B3GALT1: variants seen among roughly 807,000 people sequenced by gnomAD.
B3GALT1 encodes the protein UDP-Gal:betaGlcNAc beta 1,3-galactosyltransferase, polypeptide 1.
Under a neutral mutation model 23.2 loss-of-function variants are expected in B3GALT1, and 10 were observed. That is an observed-to-expected ratio of 0.43 (90% confidence interval 0.27 to 0.73). The LOEUF (loss-of-function observed/expected upper bound fraction) is 0.73, where lower values mean the gene tolerates loss of function less well. Ranked by LOEUF, B3GALT1 falls within the 30% of genes least tolerant of loss-of-function variation. The pLI is 0.21. For missense variants in B3GALT1, 299 were observed against 405.4 expected, an observed-to-expected ratio of 0.74 and a Z score of 2.25; for synonymous variants, 156 against 141.5, an observed-to-expected ratio of 1.10 and a Z score of -0.73.
At chr2:167,777,412 T>A (rs1283343039) in intron 3 of B3GALT1, among the ~76,000 whole-genome samples, 1 of 152,232 alleles carries the variant, frequency 6.6e-6, no homozygotes, top group Non-Finnish European at 1.5e-5. Flanking sequence ...AATGGCACGA[T>A]CTCGGCTCAC....
intron 1 of B3GALT1, among the ~76,000 whole-genome samples, chr2:167,355,736 T>A (rs1014690779): frequency 6.6e-6 from 1 of 152,222 alleles, no homozygotes; most frequent in Non-Finnish European, 1.5e-5. Context: ...GTGTTTTTTT[T>A]AGACTGACAA....
chr2:167,320,607 C>CT (rs376599054), intron 1 of B3GALT1, among the ~76,000 whole-genome samples: 87 of 152,140 alleles, frequency 5.7e-4, no homozygotes, highest in African/African-American at 2.0e-3. Context: ...CCTCTTTGCT[C>CT]TTTCTCTTTT....
chr2:167,498,570 T>G (rs1381957502), intron 2 of B3GALT1, among the ~76,000 whole-genome samples: 1 of 152,122 alleles, frequency 6.6e-6, no homozygotes, highest in Non-Finnish European at 1.5e-5. Flanking sequence ...AAAAGTACTT[T>G]GAAAGAAGTA....
chr2:167,512,570 A>ATATATATGTG (rs1553463251), intron 2 of B3GALT1, among the ~76,000 whole-genome samples: 1 of 91,162 alleles, frequency 1.1e-5, no homozygotes, highest in African/African-American at 4.8e-5. Flanking sequence ...ATATATATGT[A>ATATATATGTG]TATATATATG....
At chr2:167,567,185 G>T (rs1407341966) in intron 2 of B3GALT1, among the ~76,000 whole-genome samples, 1 of 152,052 alleles carries the variant, frequency 6.6e-6, no homozygotes, top group South Asian at 2.1e-4. Context: ...GTATAAAATT[G>T]GTATTAGAAC....
chr2:167,618,347 A>T (rs1574171118), intron 2 of B3GALT1, among the ~76,000 whole-genome samples: 1 of 152,170 alleles, frequency 6.6e-6, no homozygotes, highest in East Asian at 1.9e-4. Flanking sequence ...TGTACATTTC[A>T]TCCATAGTAC....
chr2:167,799,339 C>T (rs1351417165), intron 3 of B3GALT1, among the ~76,000 whole-genome samples: 1 of 152,072 alleles, frequency 6.6e-6, no homozygotes, highest in Non-Finnish European at 1.5e-5. Context: ...CCTTAGCCCC[C>T]TCCACCCTCC....
rs34276280 is a variant in B3GALT1, at chr2:167,863,990, A to ATGTGTGTGTGTG, written c.-229-4795_-229-4784dup. Among the ~76,000 whole-genome samples, 279 of 143,718 alleles carry ATGTGTGTGTGTG rather than the reference A, an allele frequency of 1.9e-3. 1 individual carries two copies. Among genetic ancestry groups the ATGTGTGTGTGTG allele is most frequent in the African/African-American group, 6.9e-3 (268 of 38,828 alleles). 94.3% of individuals were successfully genotyped at this position (143,718 alleles called of 152,430 possible). A position where few individuals can be genotyped will look rare whatever the true frequency, so the allele number is the denominator to read the frequency against. On this transcript the variant is annotated intron_variant, in intron 4 of 4. Transcript: ENST00000392690. Reference sequence around the variant, plus strand: ...TGATTCTGTGTGCATGCATGTATGTATGTGTGTGTGTGTGTGTGTGTGTGT... The same window carrying ATGTGTGTGTGTG: ...TGATTCTGTGTGCATGCATGTATGTATGTGTGTGTGTGTGTGTGTGTGTGTGTGTGTGTGTGT...
chr2:167,391,601 T>A (rs1698015039), intron 1 of B3GALT1, among the ~76,000 whole-genome samples: 1 of 152,154 alleles, frequency 6.6e-6, no homozygotes. Flanking sequence ...ATCTAATAGA[T>A]TTTTATGGGC....
At chr2:167,350,314 A>G (rs1401746129) in intron 1 of B3GALT1, among the ~76,000 whole-genome samples, 1 of 152,224 alleles carries the variant, frequency 6.6e-6, no homozygotes, top group Non-Finnish European at 1.5e-5. Context: ...TGTTACTGAG[A>G]GGATCAACTA....
chr2:167,794,273 T>C (rs959533794), intron 3 of B3GALT1, among the ~76,000 whole-genome samples: 7 of 152,360 alleles, frequency 4.6e-5, no homozygotes, highest in Admixed American at 4.6e-4. Flanking sequence ...AACCTTACAG[T>C]GAGCCTAATG....
At chr2:167,431,846 C>A (rs1007364773) in intron 1 of B3GALT1, among the ~76,000 whole-genome samples, 1 of 152,090 alleles carries the variant, frequency 6.6e-6, no homozygotes, top group Non-Finnish European at 1.5e-5. Context: ...CCCCTCTATT[C>A]TAAGAAAAAT....
intron 1 of B3GALT1, among the ~76,000 whole-genome samples, chr2:167,349,198 T>G (rs1445633667): frequency 6.6e-6 from 1 of 152,118 alleles, no homozygotes; most frequent in African/African-American, 2.4e-5. Context: ...TGTTCCTAAG[T>G]TTTAAATTGC....
At chr2:167,393,275 GT>G (rs961331233) in intron 1 of B3GALT1, among the ~76,000 whole-genome samples, 115 of 143,504 alleles carry the variant, frequency 8.0e-4, no homozygotes, top group East Asian at 6.8e-3. Context: ...TTGTTGGTGA[GT>G]TTTTTTTTTT....
At chr2:167,795,593 A>T (rs749207354) in intron 3 of B3GALT1, among the ~76,000 whole-genome samples, 1 of 152,178 alleles carries the variant, frequency 6.6e-6, no homozygotes, top group African/African-American at 2.4e-5. Flanking sequence ...AATCAATCCA[A>T]TGCTGTACTC....
intron 1 of B3GALT1, among the ~76,000 whole-genome samples, chr2:167,309,612 A>G (rs1201332508): frequency 5.9e-5 from 9 of 152,050 alleles, no homozygotes; most frequent in Admixed American, 5.3e-4. Context: ...AACATATAGC[A>G]TCTGTATTCT....
At chr2:167,590,951 A>G (rs1335456204) in intron 2 of B3GALT1, among the ~76,000 whole-genome samples, 1 of 152,182 alleles carries the variant, frequency 6.6e-6, no homozygotes, top group African/African-American at 2.4e-5. Context: ...GCATTTATTC[A>G]TTCATTTTTT....
chr2:167,650,742 G>C (rs563318999), intron 3 of B3GALT1, among the ~76,000 whole-genome samples: 1 of 152,098 alleles, frequency 6.6e-6, no homozygotes, highest in Non-Finnish European at 1.5e-5. Context: ...AGCAAATTTA[G>C]TAGCTTCTGT....
rs112556133 is a variant in B3GALT1 at position 167,416,995 on chromosome 2, G to A, written c.-510-73182G>A. Among the ~76,000 whole-genome samples the A allele has an allele frequency of 8.7e-3, 1,322 of 152,172 alleles. 10 individuals carry two copies. Among genetic ancestry groups the A allele is most frequent in the African/African-American group, 0.017 (715 of 41,514 alleles). ...ATTTCATAGGCTCATAGGTAAGACCGGACTTTGGACTTTTGAGTTGGTGCC... is the reference window on the plus strand; with the variant it reads ...ATTTCATAGGCTCATAGGTAAGACCAGACTTTGGACTTTTGAGTTGGTGCC... On this transcript the variant is annotated intron_variant, in intron 1 of 4. Coordinates refer to ENST00000392690, the MANE Select transcript of B3GALT1 (RefSeq NM_020981.4).
Sources: gnomAD v4.1 joint callset for allele counts (sites outside exome capture counted in the v4.1 genomes callset) on GRCh38, gnomAD v4.1.1 for gene constraint, MANE v1.5 for transcripts, NCBI Gene and HGNC (gene_info 2026-07-23, HGNC 2026-07-21) for gene names.